ZMAT3: variants seen among roughly 807,000 people sequenced by gnomAD.
The protein encoded by ZMAT3 is zinc finger matrin-type protein 3.
ZMAT3 carries 17 observed loss-of-function variants against 32.3 expected under a neutral mutation model. The ratio of observed to expected loss-of-function variants is 0.53; its 90% CI spans 0.36 to 0.79. The LOEUF is 0.79. Among genes scored for constraint, ZMAT3 ranks in the 30% least tolerant of loss-of-function variants. The probability of loss-of-function intolerance (pLI) is 0.00; values close to 1 mark genes in which losing one functional copy is unlikely to be tolerated. For synonymous variants in ZMAT3, 120 were observed against 133.1 expected (o/e 0.90, Z 0.68); for missense variants, 329 against 359.7 (o/e 0.91, Z 0.69).
At chr3:179,055,693 T>C (rs1389304437) in intron 2 of ZMAT3, among the ~76,000 whole-genome samples, 4 of 152,154 alleles carry the variant, frequency 2.6e-5, no homozygotes, top group Non-Finnish European at 5.9e-5. Flanking sequence ...CCTAGGTAAA[T>C]TCTCAGATAA....
chr3:179,038,508 G>C (rs916075189), intron 2 of ZMAT3, among the ~76,000 whole-genome samples: 1 of 152,204 alleles, frequency 6.6e-6, no homozygotes, highest in Non-Finnish European at 1.5e-5. Flanking sequence ...AACCCAGAAG[G>C]TTGAGGTTGC....
At position 179,024,826 on chromosome 3, in the gene ZMAT3, T is replaced by G. The variant is rs1718773290; in HGVS notation, c.*191A>C. ...AAGCGTTATGACCTAAGAAGCACGTTCTTCACACCCACCTCCCCCCGCCCC... is the reference window on the plus strand; with the variant it reads ...AAGCGTTATGACCTAAGAAGCACGTGCTTCACACCCACCTCCCCCCGCCCC... On this transcript the variant is annotated 3_prime_UTR_variant, in exon 6 of 6. Transcript: ENST00000311417. 1 of 590,806 alleles carries G rather than the reference T, an allele frequency of 1.7e-6. No individual in the cohort carries two copies. Among genetic ancestry groups the G allele is most frequent in the South Asian group, 2.0e-5 (1 of 50,830 alleles). 36.6% of individuals were successfully genotyped at this position (590,806 alleles called of 1,614,324 possible). A position where few individuals can be genotyped will look rare whatever the true frequency, so the allele number is the denominator to read the frequency against.
intron 2 of ZMAT3, among the ~76,000 whole-genome samples, chr3:179,065,016 T>C (rs1721333619): frequency 6.6e-6 from 1 of 152,234 alleles, no homozygotes; most frequent in Non-Finnish European, 1.5e-5. Flanking sequence ...TGAACTGCTT[T>C]GCCTTAGTTG....
intron 1 of ZMAT3, among the ~76,000 whole-genome samples, chr3:179,070,944 A>G (rs1431206213): frequency 1.3e-5 from 2 of 152,212 alleles, no homozygotes; most frequent in Non-Finnish European, 2.9e-5. Flanking sequence ...AAGAGAATAG[A>G]ATAAAGGAAC....
chr3:179,017,552 C>T lies in ZMAT3; in HGVS notation c.*7465G>A, dbSNP rs144266270. 1 of 152,254 alleles carries T rather than the reference C, an allele frequency of 6.6e-6. No homozygotes were observed. Among genetic ancestry groups the T allele is most frequent in the Non-Finnish European group, 1.5e-5 (1 of 68,012 alleles). 9.4% of individuals were successfully genotyped at this position (152,254 alleles called of 1,614,324 possible). A position where few individuals can be genotyped will look rare whatever the true frequency, so the allele number is the denominator to read the frequency against. ...CCCAACAGCATACACAGATCTTAAG[C>T]CTCTGTATGACATTTAGAGAAAATT... On this transcript the variant is annotated 3_prime_UTR_variant, in exon 6 of 6. Coordinates refer to ENST00000311417, the MANE Select transcript of ZMAT3 (RefSeq NM_022470.4).
Position 179,067,556 on chromosome 3 carries a change from A to G in ZMAT3, c.197T>C (p.Leu66Pro), listed in dbSNP as rs754639242. The G allele has an allele frequency of 2.5e-6, 4 of 1,614,164 alleles. No homozygotes were observed. Among genetic ancestry groups the G allele is most frequent in the Non-Finnish European group, 3.4e-6 (4 of 1,180,042 alleles). The stretch of plus-strand genomic sequence containing the variant: ...GAGTTTGCAGTACAGGGGCTTACAT[A>G]GCTCCTCCAGGGCACAGTCTTGCTC... ...GGEQDCALEE[L>P]CKPLYCKLCN... Residue 66 changes from leucine (L) to proline (P), a missense_variant, in exon 2 of 6, where the codon CTA (leucine) becomes CCA (proline). Coordinates refer to ENST00000311417, the MANE Select transcript of ZMAT3 (RefSeq NM_022470.4).
Position 179,031,934 on chromosome 3 carries a change from T to TCCCTCCACCTCC in ZMAT3, c.271-936_271-935insGGAGGTGGAGGG, listed in dbSNP as rs1560085552. Among the ~76,000 whole-genome samples the TCCCTCCACCTCC allele has an allele frequency of 3.6e-3, 18 of 5,018 alleles. 1 individual carries two copies. Among genetic ancestry groups the TCCCTCCACCTCC allele is most frequent in the African/African-American group, 9.1e-3 (8 of 876 alleles). 3.3% of individuals were successfully genotyped at this position (5,018 alleles called of 152,430 possible). A position where few individuals can be genotyped will look rare whatever the true frequency, so the allele number is the denominator to read the frequency against. ...ATAAAAAAAAAAAAAACTCTCCCTC[T>TCCCTCCACCTCC]CCCTCCCCCTCCCCCTCCCCCTCCC... is the stretch of plus-strand genomic sequence containing the variant. On this transcript the variant is annotated intron_variant, in intron 2 of 5. Transcript: ENST00000311417.
intron 2 of ZMAT3, among the ~76,000 whole-genome samples, chr3:179,049,340 T>C (rs1474775651): frequency 2.6e-5 from 4 of 152,158 alleles, no homozygotes; most frequent in Non-Finnish European, 5.9e-5. Context: ...TTACAGAGGA[T>C]CCTACCCAAC....
chr3:179,049,717 G>C (rs548283078), intron 2 of ZMAT3, among the ~76,000 whole-genome samples: 1 of 152,114 alleles, frequency 6.6e-6, no homozygotes, highest in Non-Finnish European at 1.5e-5. Flanking sequence ...AAGGGGCTGG[G>C]CATGGTTGCT....
chr3:179,046,722 TG>T lies in ZMAT3; in HGVS notation c.271-15724del, dbSNP rs912985225. ...GGATGCATGGGAGCTGGGTGAGGCC[TG>T]TAACAGCCAGCTTTCCCCCAATTCC... On this transcript the variant is annotated intron_variant, in intron 2 of 5. Transcript: ENST00000311417. This position sits in a 1 kb window ranked among gnomAD's most constrained non-coding sequence, Gnocchi z 4.3. Among the ~76,000 whole-genome samples the T allele has an allele frequency of 1.3e-5, 2 of 152,140 alleles. No individual in the cohort carries two copies. Among genetic ancestry groups the T allele is most frequent in the Non-Finnish European group, 2.9e-5 (2 of 68,014 alleles).
At chr3:179,059,823 G>T (rs374960715) in intron 2 of ZMAT3, among the ~76,000 whole-genome samples, 27 of 152,158 alleles carry the variant, frequency 1.8e-4, no homozygotes, top group African/African-American at 6.5e-4. Flanking sequence ...TGTTGAGAGG[G>T]GGGACTGAGA....
chr3:179,041,701 A>G (rs1374939360), intron 2 of ZMAT3, among the ~76,000 whole-genome samples: 1 of 152,204 alleles, frequency 6.6e-6, no homozygotes, highest in Non-Finnish European at 1.5e-5. Flanking sequence ...AACAAATTCA[A>G]AGGCTAGCAG....
rs1218658088 is a variant in ZMAT3, at chr3:179,021,873, T to TA, written c.*3143dup. 1.1e-4 allele frequency: 16 copies of TA among 152,338 alleles called. No individual in the cohort carries two copies. Among genetic ancestry groups the TA allele is most frequent in the African/African-American group, 3.8e-4 (16 of 41,586 alleles). 9.4% of individuals were successfully genotyped at this position (152,338 alleles called of 1,614,324 possible). A position where few individuals can be genotyped will look rare whatever the true frequency, so the allele number is the denominator to read the frequency against. ...TTTTCACCTATGGAACAGAGAAGAA[T>TA]ACTGCAAGGTAACAAGCTCAAAACA... On this transcript the variant is annotated 3_prime_UTR_variant, in exon 6 of 6. Transcript: ENST00000311417.
chr3:179,037,290 T>A (rs1208412010), intron 2 of ZMAT3, among the ~76,000 whole-genome samples: 1 of 152,090 alleles, frequency 6.6e-6, no homozygotes, highest in Non-Finnish European at 1.5e-5. Context: ...GCTGCAACAT[T>A]TCTTGGGAGG....
intron 2 of ZMAT3, among the ~76,000 whole-genome samples, chr3:179,037,966 C>A (rs1482558092): frequency 6.6e-6 from 1 of 151,870 alleles, no homozygotes; most frequent in African/African-American, 2.4e-5. Flanking sequence ...ACACACACAA[C>A]CAAAGAAAAA....
Position 179,024,883 on chromosome 3 carries a change from G to A in ZMAT3, c.*134C>T, listed in dbSNP as rs61798176. On this transcript the variant is annotated 3_prime_UTR_variant, in exon 6 of 6. Coordinates refer to ENST00000311417, the MANE Select transcript of ZMAT3 (RefSeq NM_022470.4). ...GGGCCCCCAGGTTTTGACATCTCAT[G>A]GTACCACTGTGGGTTACATGTATTA... is the stretch of plus-strand genomic sequence containing the variant. 47,426 of 682,400 alleles carry A rather than the reference G, an allele frequency of 0.069. 1,917 individuals are homozygous for A. Among genetic ancestry groups the A allele is most frequent in the Middle Eastern group, 0.11 (233 of 2,080 alleles). The allele number at this position is 682,400 out of a possible 1,614,324, so 42.3% of individuals were successfully genotyped here. A position where few individuals can be genotyped will look rare whatever the true frequency, so the allele number is the denominator to read the frequency against.
intron 1 of ZMAT3, among the ~76,000 whole-genome samples, chr3:179,071,004 G>A (rs1218169400): frequency 6.6e-6 from 1 of 152,104 alleles, no homozygotes; most frequent in Non-Finnish European, 1.5e-5. Context: ...TGGGAATTCT[G>A]GAAATGAGGG....
intron 2 of ZMAT3, among the ~76,000 whole-genome samples, chr3:179,049,063 T>TA (rs991215507): frequency 6.6e-6 from 1 of 152,042 alleles, no homozygotes; most frequent in Non-Finnish European, 1.5e-5. Context: ...CAACAGCAGT[T>TA]AAAAAAGACA....
chr3:179,039,456 C>G (rs144164943), intron 2 of ZMAT3, among the ~76,000 whole-genome samples: 5,211 of 152,234 alleles, frequency 0.034, 236 homozygotes, highest in South Asian at 0.17. Flanking sequence ...CTGGAGTGGA[C>G]CTCCAGCAAA....
Sources: gnomAD v4.1 joint callset for allele counts (sites outside exome capture counted in the v4.1 genomes callset) on GRCh38, gnomAD v4.1.1 for gene constraint, Gnocchi (gnomAD v3.1) non-coding constraint, MANE v1.5 for transcripts, NCBI Gene and HGNC (gene_info 2026-07-23, HGNC 2026-07-21) for gene names.